Variants in ANKS1B observed in about 807,000 individuals in gnomAD.
The protein encoded by ANKS1B is ankyrin repeat and sterile alpha motif domain containing 1B.
In ANKS1B, 36 loss-of-function variants were observed where a neutral mutation model predicts 148.3. The ratio of observed to expected loss-of-function variants is 0.24; its 90% CI spans 0.19 to 0.32. The LOEUF (loss-of-function observed/expected upper bound fraction) is 0.32, where lower values mean the gene tolerates loss of function less well. Ranked by LOEUF, ANKS1B falls within the 10% of genes least tolerant of loss-of-function variation. ANKS1B has a pLI of 1.00. For synonymous variants in ANKS1B, 542 were observed against 560.8 expected (o/e 0.97, Z 0.47); for missense variants, 1,157 against 1,542.6 (o/e 0.75, Z 4.19).
At chr12:99,395,107 C>T (rs769040388) in intron 12 of ANKS1B, among the ~76,000 whole-genome samples, 3 of 152,174 alleles carry the variant, frequency 2.0e-5, no homozygotes, top group African/African-American at 4.8e-5. Context: ...TTCTCTCTAA[C>T]TCTGCTGATT....
At chr12:99,649,225 C>T in intron 9 of ANKS1B, 1 of 1,250,076 alleles carries the variant, frequency 8.0e-7, no homozygotes, top group Non-Finnish European at 1.2e-6. Flanking sequence ...TGTTGTTTAC[C>T]TATAGGAAGA....
chr12:98,862,761 G>C (rs977676299), intron 17 of ANKS1B, among the ~76,000 whole-genome samples: 1 of 152,094 alleles, frequency 6.6e-6, no homozygotes, highest in African/African-American at 2.4e-5. Context: ...CATCCCCTCT[G>C]TACCCACATG....
At chr12:99,275,008 C>T (rs114799899) in intron 12 of ANKS1B, among the ~76,000 whole-genome samples, 2,129 of 152,252 alleles carry the variant, frequency 0.014, 50 homozygotes, top group African/African-American at 0.049. Context: ...ACATTGCCTC[C>T]TATGACCCTA....
Position 99,984,429 on chromosome 12 carries a change from A to C in ANKS1B, c.-192T>G. The C allele has an allele frequency of 7.6e-6, 4 of 524,190 alleles. No homozygotes were observed. The highest frequency in any genetic ancestry group is 1.0e-5 in the Non-Finnish European group (3 of 297,996). 32.5% of individuals were successfully genotyped at this position (524,190 alleles called of 1,614,324 possible). A position where few individuals can be genotyped will look rare whatever the true frequency, so the allele number is the denominator to read the frequency against. ...CTCCTCTTCGGGGCGCAGCTTTTAC[A>C]ATGGGGATCAGACCATGTCTTGAAA... is the stretch of plus-strand genomic sequence containing the variant. On this transcript the variant is annotated 5_prime_UTR_variant, in exon 1 of 27. It adds an upstream start codon to the 5' untranslated region. Transcript: ENST00000683438.
intron 12 of ANKS1B, among the ~76,000 whole-genome samples, chr12:99,390,552 T>A (rs2094023826): frequency 6.6e-6 from 1 of 152,130 alleles, no homozygotes; most frequent in Non-Finnish European, 1.5e-5. Flanking sequence ...GTCTGGAACT[T>A]TCCTTTCTGG....
intron 8 of ANKS1B, among the ~76,000 whole-genome samples, chr12:99,676,927 A>G (rs539223042): frequency 1.3e-5 from 2 of 152,350 alleles, no homozygotes; most frequent in Admixed American, 1.3e-4. Flanking sequence ...GGAATGGAGT[A>G]GGAAGAAGGA....
intron 1 of ANKS1B, among the ~76,000 whole-genome samples, chr12:99,980,741 A>G (rs569368089): frequency 3.9e-4 from 59 of 152,200 alleles, no homozygotes; most frequent in Non-Finnish European, 6.3e-4. Flanking sequence ...AAAAATACTT[A>G]TAAGAAAACA....
At chr12:99,176,622 G>C (rs2078416141) in intron 14 of ANKS1B, among the ~76,000 whole-genome samples, 1 of 152,192 alleles carries the variant, frequency 6.6e-6, no homozygotes, top group African/African-American at 2.4e-5. Context: ...CCTAGTGTTG[G>C]AGGTGTTTGG....
chr12:99,915,705 TA>T (rs1371393006), intron 1 of ANKS1B, among the ~76,000 whole-genome samples: 2 of 152,212 alleles, frequency 1.3e-5, no homozygotes, highest in African/African-American at 4.8e-5. Flanking sequence ...AAGAGATGGG[TA>T]ATGTATTTGT....
chr12:99,710,510 T>C (rs896459555), intron 8 of ANKS1B, among the ~76,000 whole-genome samples: 7 of 152,074 alleles, frequency 4.6e-5, no homozygotes, highest in Non-Finnish European at 1.0e-4. Flanking sequence ...TGTGAACATA[T>C]GTTTTGTGGG....
chr12:99,155,766 G>A (rs533943270), intron 14 of ANKS1B, among the ~76,000 whole-genome samples: 34 of 152,222 alleles, frequency 2.2e-4, no homozygotes, highest in African/African-American at 7.9e-4. Context: ...TCTTCCTAAC[G>A]TAGGCATCCC....
chr12:99,327,577 T>G (rs1398779441), intron 12 of ANKS1B, among the ~76,000 whole-genome samples: 1 of 147,468 alleles, frequency 6.8e-6, no homozygotes, highest in Non-Finnish European at 1.5e-5. Context: ...TCAGGACATA[T>G]CCCCATTATT....
intron 8 of ANKS1B, among the ~76,000 whole-genome samples, chr12:99,671,467 T>G (rs1225667725): frequency 1.3e-5 from 2 of 152,140 alleles, no homozygotes; most frequent in Non-Finnish European, 2.9e-5. Context: ...TAGCAATATT[T>G]TATCCTTTTC....
intron 9 of ANKS1B, among the ~76,000 whole-genome samples, chr12:99,558,857 C>T (rs1165481353): frequency 6.6e-6 from 1 of 152,192 alleles, no homozygotes; most frequent in Non-Finnish European, 1.5e-5. Context: ...TGCTCCACTT[C>T]AGCCATTCCC....
chr12:99,441,068 C>CAT (rs1435265543), intron 11 of ANKS1B, among the ~76,000 whole-genome samples: 1 of 151,830 alleles, frequency 6.6e-6, no homozygotes, highest in East Asian at 1.9e-4. Context: ...TCATTTCAAT[C>CAT]ATATTATTAA....
chr12:98,742,701 G>A (rs534959588), downstream of ANKS1B, among the ~76,000 whole-genome samples: 1 of 152,250 alleles, frequency 6.6e-6, no homozygotes, highest in African/African-American at 2.4e-5. Flanking sequence ...ATGGTCAAAA[G>A]GCCTGAGCAA....
chr12:99,417,739 T>C (rs1215659941), intron 11 of ANKS1B, among the ~76,000 whole-genome samples: 8 of 152,120 alleles, frequency 5.3e-5, no homozygotes, highest in Admixed American at 2.0e-4. Flanking sequence ...GTTTTCAGTA[T>C]ACAAGACCTG....
chr12:99,216,880 T>TA (rs2084289123), intron 14 of ANKS1B, among the ~76,000 whole-genome samples: 1 of 152,178 alleles, frequency 6.6e-6, no homozygotes, highest in Non-Finnish European at 1.5e-5. Flanking sequence ...TGATCAATGG[T>TA]ATGTGAGGAG....
At chr12:99,528,438 A>AC (rs1209973723) in intron 9 of ANKS1B, among the ~76,000 whole-genome samples, 5 of 98,688 alleles carry the variant, frequency 5.1e-5, no homozygotes, top group Non-Finnish European at 1.1e-4. Context: ...AAAACAAAAA[A>AC]AAAAACAAAA....
Sources: allele counts gnomAD v4.1 joint callset (sites outside exome capture counted in the v4.1 genomes callset), GRCh38; gene constraint gnomAD v4.1.1; transcripts MANE v1.5; gene names NCBI Gene and HGNC (gene_info 2026-07-23, HGNC 2026-07-21).